The following TFAP2D variants were observed in gnomAD, a reference collection of about 807,000 sequenced individuals.
TFAP2D encodes the protein transcription factor AP-2 delta.
Under a neutral mutation model 43.6 loss-of-function variants are expected in TFAP2D, and 9 were observed. The observed-to-expected ratio is 0.21, with a 90% CI of 0.12 to 0.36. The LOEUF (loss-of-function observed/expected upper bound fraction) is 0.36. TFAP2D is among the 10% of genes least tolerant of loss of function. The pLI is 1.00. For missense variants in TFAP2D, 513 were observed against 561.4 expected, an observed-to-expected ratio of 0.91 and a Z score of 0.87; for synonymous variants, 256 against 224.9, an observed-to-expected ratio of 1.14 and a Z score of -1.24.
In TFAP2D at chr6:50,715,483, G is replaced by A. The variant is rs374590632; in HGVS notation, c.407G>A (p.Cys136Tyr). Residue 136 changes from cysteine (C) to tyrosine (Y), a missense_variant, in exon 2 of 8, where the codon TGC becomes TAC. Around this residue, in one of 3 missense-constraint regions of TFAP2D, gnomAD observed 311 missense variants for 316.2 expected, o/e 0.98. Transcript: ENST00000008391. Reference sequence around the variant, plus strand: ...GACGAGCAGAGGCGGGAGCTGGGCTGCCTCGATGCCTACCGCCGCCATGAC... The same window carrying A: ...GACGAGCAGAGGCGGGAGCTGGGCTACCTCGATGCCTACCGCCGCCATGAC... ...CLDEQRRELG[C>Y]LDAYRRHDLS... The A allele has an allele frequency of 2.0e-5, 32 of 1,613,722 alleles. No homozygotes were observed. In the Admixed American group the frequency reaches 2.2e-4, roughly 11 times the overall value.
chr6:50,759,332 G>C (rs979629305), intron 7 of TFAP2D, among the ~76,000 whole-genome samples: 8 of 151,946 alleles, frequency 5.3e-5, no homozygotes, highest in Non-Finnish European at 1.0e-4. Context: ...ATTTAGAATA[G>C]GCATTGCACC....
At chr6:50,763,724 A>G (rs980318754) in intron 7 of TFAP2D, among the ~76,000 whole-genome samples, 3 of 152,162 alleles carry the variant, frequency 2.0e-5, no homozygotes, top group African/African-American at 7.2e-5. Flanking sequence ...TCTGAAAATT[A>G]TTATACTAAA....
At chr6:50,723,387 G>A (rs1768760061) in intron 3 of TFAP2D, among the ~76,000 whole-genome samples, 2 of 152,230 alleles carry the variant, frequency 1.3e-5, no homozygotes, top group Admixed American at 1.3e-4. Context: ...GAAAGCCGTG[G>A]ATTCTTTCAG....
At chr6:50,752,168 A>G (rs1244420913) in intron 7 of TFAP2D, among the ~76,000 whole-genome samples, 1 of 151,988 alleles carries the variant, frequency 6.6e-6, no homozygotes, top group African/African-American at 2.4e-5. Flanking sequence ...AGTCATATGT[A>G]ACTAGCCTGC....
At chr6:50,750,246 C>G (rs1036109326) in intron 6 of TFAP2D, among the ~76,000 whole-genome samples, 6 of 151,868 alleles carry the variant, frequency 4.0e-5, no homozygotes, top group Non-Finnish European at 8.8e-5. Context: ...TCTTTGTTTA[C>G]ATTGATAATC....
intron 7 of TFAP2D, among the ~76,000 whole-genome samples, chr6:50,755,211 G>A (rs953402816): frequency 6.6e-6 from 1 of 151,796 alleles, no homozygotes; most frequent in Admixed American, 6.6e-5. Flanking sequence ...ATACATGATT[G>A]GCATTTCCAA....
chr6:50,737,412 T>C, intron 5 of TFAP2D, among the ~76,000 whole-genome samples: 1 of 152,312 alleles, frequency 6.6e-6, no homozygotes, highest in East Asian at 1.9e-4. Flanking sequence ...AGTTCAGAAT[T>C]AAATCTAAGA....
At chr6:50,765,316 G>A (rs948445770) in intron 7 of TFAP2D, among the ~76,000 whole-genome samples, 1 of 152,278 alleles carries the variant, frequency 6.6e-6, no homozygotes, top group African/African-American at 2.4e-5. Flanking sequence ...AAATAATGCT[G>A]CAATGAACAT....
chr6:50,714,508 A>G (rs763287879), intron 1 of TFAP2D, among the ~76,000 whole-genome samples: 3 of 152,112 alleles, frequency 2.0e-5, no homozygotes, highest in Non-Finnish European at 4.4e-5. Context: ...AGGAAAGGGA[A>G]GCAGAAAAGA....
intron 7 of TFAP2D, among the ~76,000 whole-genome samples, chr6:50,765,893 G>C (rs1329074283): frequency 6.6e-6 from 1 of 151,848 alleles, no homozygotes; most frequent in East Asian, 1.9e-4. Flanking sequence ...CCCTATTTTT[G>C]GTTTTGTTGC....
rs553893628 is a variant in TFAP2D, at chr6:50,763,215, G to A, written c.1140-9430G>A. 2.0e-5 allele frequency among the ~76,000 whole-genome samples: 3 copies of A among 152,130 alleles called. No homozygotes were observed. The South Asian group carries it at 6.2e-4, about 32-fold the overall frequency. ...AACTTTCCTCTTTATTTTAATACCAGCCATTAAGCTAAAAATCTATGATGC... is the reference window on the plus strand; with the variant it reads ...AACTTTCCTCTTTATTTTAATACCAACCATTAAGCTAAAAATCTATGATGC... On this transcript the variant is annotated intron_variant, in intron 7 of 7. Transcript: ENST00000008391.
At chr6:50,762,846 TAGAGACAGAG>T (rs922347238) in intron 7 of TFAP2D, among the ~76,000 whole-genome samples, 19 of 151,924 alleles carry the variant, frequency 1.3e-4, no homozygotes, top group African/African-American at 2.4e-4. Context: ...GTAATCTAGT[TAGAGACAGAG>T]AGAGACAGAG....
chr6:50,720,210 T>A (rs1406120407), intron 3 of TFAP2D, among the ~76,000 whole-genome samples: 5 of 152,184 alleles, frequency 3.3e-5, no homozygotes, highest in Non-Finnish European at 7.3e-5. Context: ...ACCAAATAAG[T>A]GTCCTTCAGC....
intron 5 of TFAP2D, among the ~76,000 whole-genome samples, chr6:50,734,936 T>C (rs150129948): frequency 0.046 from 7,073 of 152,200 alleles, 190 homozygotes; most frequent in Non-Finnish European, 0.054. Flanking sequence ...TAAAAATTAG[T>C]ACATGTATCC....
chr6:50,724,846 T>TA (rs1180354396), intron 3 of TFAP2D, among the ~76,000 whole-genome samples: 3 of 151,688 alleles, frequency 2.0e-5, no homozygotes, highest in Non-Finnish European at 4.4e-5. Flanking sequence ...GTTGTTTTTT[T>TA]AAAAAAAAGT....
In TFAP2D at chr6:50,745,231, G is replaced by C; in HGVS notation, c.1008G>C (p.Lys336Asn). The C allele has an allele frequency of 6.2e-7, 1 of 1,613,496 alleles. No individual in the cohort carries two copies. Among genetic ancestry groups the C allele is most frequent in the African/African-American group, 1.3e-5 (1 of 74,978 alleles). ...MEQKEQTARKKMILATKQICK... is the reference protein window; with the variant it reads ...MEQKEQTARKNMILATKQICK... ...AGAAAGAACAGACAGCAAGAAAAAA[G>C]ATGATCCTGGCGACCAAGTAAGCAG... The change falls in exon 6 of 8, where the codon AAG becomes AAC. Residue 336 changes from lysine (K) to asparagine (N), a missense_variant. Physicochemically the swap from Lys to Asn is moderately conservative, Grantham distance 94 (BLOSUM62 0). Around this residue, in one of 3 missense-constraint regions of TFAP2D, gnomAD observed 199 missense variants for 227.9 expected, o/e 0.87. Coordinates refer to ENST00000008391, the MANE Select transcript of TFAP2D (RefSeq NM_172238.4).
At chr6:50,758,211 T>C (rs1292608868) in intron 7 of TFAP2D, among the ~76,000 whole-genome samples, 2 of 151,800 alleles carry the variant, frequency 1.3e-5, no homozygotes, top group Admixed American at 1.3e-4. Context: ...TCCCAGACAT[T>C]TGTGTGCTTG....
rs1299043032 is a variant in TFAP2D at position 50,772,737 on chromosome 6, A to T, written c.1232A>T (p.Lys411Ile). ...VLSEMLNYLE[K>I]HTTHKNGGAA... Reference sequence around the variant, plus strand: ...AGTGAAATGCTGAACTACTTGGAAAAACACACTACTCACAAGAACGGCGGA... The same window carrying T: ...AGTGAAATGCTGAACTACTTGGAAATACACACTACTCACAAGAACGGCGGA... Residue 411 changes from lysine to isoleucine, a missense_variant, in exon 8 of 8, where the codon AAA becomes ATA. Lys to Ile is a moderately radical substitution (Grantham distance 102). Transcript: ENST00000008391. 1 of 1,614,160 alleles carries T rather than the reference A, an allele frequency of 6.2e-7. No homozygotes were observed. The highest frequency in any genetic ancestry group is 1.1e-5 in the South Asian group (1 of 91,088).
intron 2 of TFAP2D, among the ~76,000 whole-genome samples, chr6:50,716,533 C>CTCAATCAGATCA (rs1768630946): frequency 6.6e-6 from 1 of 152,182 alleles, no homozygotes; most frequent in Non-Finnish European, 1.5e-5. Flanking sequence ...GAGGCCATCA[C>CTCAATCAGATCA]TCAATCAGAT....
Sources: allele counts gnomAD v4.1 joint callset (sites outside exome capture counted in the v4.1 genomes callset), GRCh38; gene constraint gnomAD v4.1.1; regional missense constraint gnomAD v4.1.1; transcripts MANE v1.5; gene names NCBI Gene and HGNC (gene_info 2026-07-23, HGNC 2026-07-21).